Variants in BTD observed in about 807,000 individuals in gnomAD.
The protein encoded by BTD is biocytinase.
Under a neutral mutation model 17.7 loss-of-function variants are expected in BTD, and 13 were observed. The observed-to-expected ratio is 0.74, with a 90% CI of 0.48 to 1.17. The LOEUF (loss-of-function observed/expected upper bound fraction) is 1.17. Among genes scored for constraint, BTD ranks in the 50% most tolerant of loss-of-function variants. The pLI, the probability that BTD is intolerant of heterozygous loss-of-function variation, is 0.00. For missense variants in BTD, 674 were observed against 650.4 expected, an observed-to-expected ratio of 1.04 and a Z score of -0.39; for synonymous variants, 240 against 245.2, an observed-to-expected ratio of 0.98 and a Z score of 0.20.
intron 3 of BTD, chr3:15,683,615 T>C (rs2067776015): frequency 6.6e-6 from 1 of 152,202 alleles, no homozygotes; most frequent in South Asian, 2.1e-4. Flanking sequence ...AGTACTCAGC[T>C]GAAGGATAAC....
chr3:15,678,971 A>G (rs891267861), intron 3 of BTD, among the ~76,000 whole-genome samples: 8 of 152,142 alleles, frequency 5.3e-5, no homozygotes, highest in Non-Finnish European at 1.0e-4. Flanking sequence ...TTGAAAATAA[A>G]ACCTTTTTGG....
chr3:15,680,579 T>C (rs908688784), intron 3 of BTD, among the ~76,000 whole-genome samples: 5 of 152,190 alleles, frequency 3.3e-5, no homozygotes, highest in African/African-American at 1.2e-4. Context: ...AATCTAATTA[T>C]GGATTTTAAA....
At chr3:15,668,114 C>A (rs898825239) in intron 3 of BTD, 20 of 152,200 alleles carry the variant, frequency 1.3e-4, no homozygotes, top group African/African-American at 4.6e-4. Context: ...ACCTTTCTAA[C>A]AGTTAGAGCT....
chr3:15,645,451 C>T lies in BTD; in HGVS notation c.1535C>T (p.Thr512Met), dbSNP rs104893688. The change falls in exon 4 of 4, where the codon ACG becomes ATG. Residue 512 changes from threonine to methionine, a missense_variant. Physicochemically the swap from Thr to Met is moderately conservative, Grantham distance 81. Transcript: ENST00000643237. The part of the protein sequence containing the change: ...RKSRLSSGLV[T>M]AALYGRLYER... ...AGTAGGCTGTCCTCTGGGCTGGTGA[C>T]GGCGGCTCTCTATGGGCGCTTGTAT... 1.2e-4 allele frequency: 186 copies of T among 1,611,856 alleles called. No individual in the cohort carries two copies. Among genetic ancestry groups the T allele is most frequent in the Middle Eastern group, 1.7e-4 (1 of 6,060 alleles).
chr3:15,680,937 G>C (rs1306340058), intron 3 of BTD, among the ~76,000 whole-genome samples: 3 of 152,208 alleles, frequency 2.0e-5, no homozygotes, highest in Non-Finnish European at 4.4e-5. Flanking sequence ...AAAATGCTGG[G>C]ATTACAGGCA....
downstream of BTD, among the ~76,000 whole-genome samples, chr3:15,656,913 C>T (rs1259094509): frequency 6.6e-6 from 1 of 152,142 alleles, no homozygotes; most frequent in Non-Finnish European, 1.5e-5. Context: ...TTATTTTGCT[C>T]ATGAATTTGG....
At chr3:15,715,809 C>G (rs1237546716), downstream of BTD, among the ~76,000 whole-genome samples, 7 of 151,952 alleles carry the variant, frequency 4.6e-5, no homozygotes, top group Non-Finnish European at 1.0e-4. Flanking sequence ...GATAACACAT[C>G]AGTGCTTCTC....
In BTD at chr3:15,652,335, A is replaced by G. The variant is rs1411802382; in HGVS notation, c.*6847A>G. Among the ~76,000 whole-genome samples, 1 of 152,228 alleles carries G rather than the reference A, an allele frequency of 6.6e-6. No homozygotes were observed. Among genetic ancestry groups the G allele is most frequent in the Non-Finnish European group, 1.5e-5 (1 of 68,030 alleles). ...AGCGACACTCCGTCTCCAAAAAAAA[A>G]AGATACTGCAGCTTCTATCTTGGTT... On this transcript the variant is annotated 3_prime_UTR_variant, in exon 4 of 4. Coordinates refer to ENST00000643237, the MANE Select transcript of BTD (RefSeq NM_001370658.1).
downstream of BTD, among the ~76,000 whole-genome samples, chr3:15,658,034 G>T (rs1318103750): frequency 6.6e-6 from 1 of 151,990 alleles, no homozygotes; most frequent in Non-Finnish European, 1.5e-5. Context: ...TGGGCATGGT[G>T]GTGCACACCT....
At chr3:15,665,217 T>G (rs1029929234) in intron 3 of BTD, among the ~76,000 whole-genome samples, 3 of 151,956 alleles carry the variant, frequency 2.0e-5, no homozygotes, top group African/African-American at 7.3e-5. Context: ...GAGGGAGAGA[T>G]GGAGAACTGA....
At position 15,648,600 on chromosome 3, in the gene BTD, T is replaced by C. The variant is rs1257665139; in HGVS notation, c.*3112T>C. Among the ~76,000 whole-genome samples, 1 of 152,204 alleles carries C rather than the reference T, an allele frequency of 6.6e-6. No individual in the cohort carries two copies. The highest frequency in any genetic ancestry group is 2.4e-5 in the African/African-American group (1 of 41,452). ...GTCAGCCGAGGTGACAGTGAAGATATCAACCAAGGCTGCAGCCGGTTGAAG... is the reference window on the plus strand; with the variant it reads ...GTCAGCCGAGGTGACAGTGAAGATACCAACCAAGGCTGCAGCCGGTTGAAG... On this transcript the variant is annotated 3_prime_UTR_variant, in exon 4 of 4. Coordinates refer to ENST00000643237, the MANE Select transcript of BTD (RefSeq NM_001370658.1).
chr3:15,699,225 T>C (rs570109037), intron 3 of BTD, among the ~76,000 whole-genome samples: 8 of 152,308 alleles, frequency 5.3e-5, no homozygotes, highest in African/African-American at 1.7e-4. Context: ...CCTTACACTA[T>C]ATACAAAAAT....
At chr3:15,685,478 T>A in intron 3 of BTD, 2 of 1,600,540 alleles carry the variant, frequency 1.2e-6, no homozygotes, top group Non-Finnish European at 1.7e-6. Context: ...TAGTCAAACA[T>A]ATTATGCTAA....
intron 3 of BTD, among the ~76,000 whole-genome samples, chr3:15,678,776 T>C (rs1197182106): frequency 2.0e-5 from 3 of 152,212 alleles, no homozygotes; most frequent in African/African-American, 7.2e-5. Flanking sequence ...GGGAAAAATA[T>C]TTACATGTTA....
At chr3:15,708,252 CT>C (rs1575292048) in intron 3 of BTD, among the ~76,000 whole-genome samples, 1 of 152,124 alleles carries the variant, frequency 6.6e-6, no homozygotes, top group East Asian at 1.9e-4. Context: ...GGCAGAGAAC[CT>C]TTAAGTATAT....
At chr3:15,710,511 G>C (rs1310991502) in exon 4 of BTD, among the ~76,000 whole-genome samples, 2 of 151,158 alleles carry the variant, frequency 1.3e-5, no homozygotes, top group East Asian at 3.9e-4. Context: ...CTGTGCTGGT[G>C]TACTCTTGGT....
chr3:15,680,104 T>A, intron 3 of BTD, among the ~76,000 whole-genome samples: 1 of 152,142 alleles, frequency 6.6e-6, no homozygotes, highest in East Asian at 1.9e-4. Context: ...GACTGTGCTA[T>A]TTTTTTATTT....
chr3:15,699,324 AG>A (rs912367457), intron 3 of BTD, among the ~76,000 whole-genome samples: 38 of 152,252 alleles, frequency 2.5e-4, no homozygotes, highest in African/African-American at 9.2e-4. Flanking sequence ...TTCAGGGCAT[AG>A]GCATGGGCAA....
At position 15,650,796 on chromosome 3, in the gene BTD, G is replaced by A. The variant is rs2065789093; in HGVS notation, c.*5308G>A. Reference sequence around the variant, plus strand: ...TATTCTTTTGTTTTTTTGAGATGGAGTCTTGCTCTGTCGCCCGGGCAGGAG... The same window carrying A: ...TATTCTTTTGTTTTTTTGAGATGGAATCTTGCTCTGTCGCCCGGGCAGGAG... On this transcript the variant is annotated 3_prime_UTR_variant, in exon 4 of 4. Coordinates refer to ENST00000643237, the MANE Select transcript of BTD (RefSeq NM_001370658.1). Among the ~76,000 whole-genome samples the A allele has an allele frequency of 2.0e-5, 3 of 152,206 alleles. No individual in the cohort carries two copies. The South Asian group carries it at 6.2e-4, about 31-fold the overall frequency.
Sources: allele counts gnomAD v4.1 joint callset (sites outside exome capture counted in the v4.1 genomes callset), GRCh38; gene constraint gnomAD v4.1.1; transcripts MANE v1.5; gene names NCBI Gene and HGNC (gene_info 2026-07-23, HGNC 2026-07-21).